GALNT14: variants seen among roughly 807,000 people sequenced by gnomAD.
The protein encoded by GALNT14 is UDP-GalNAc:polypeptide N-acetylgalactosaminyltransferase 14.
GALNT14 carries 60 observed loss-of-function variants against 77.5 expected under a neutral mutation model. The observed-to-expected ratio is 0.77, with a 90% CI of 0.63 to 0.96. The LOEUF is 0.96. Among genes scored for constraint, GALNT14 ranks in the 40% least tolerant of loss-of-function variants. GALNT14 has a pLI of 0.00. For missense variants in GALNT14, 710 were observed against 731.0 expected (o/e 0.97, Z 0.33); for synonymous variants, 280 against 281.7 (o/e 0.99, Z 0.06).
intron 6 of GALNT14, among the ~76,000 whole-genome samples, chr2:30,949,706 T>C (rs1219462616): frequency 2.0e-5 from 3 of 152,210 alleles, no homozygotes; most frequent in Non-Finnish European, 4.4e-5. Flanking sequence ...ATCAAAAAGC[T>C]CCTAGAGATG....
intron 1 of GALNT14, among the ~76,000 whole-genome samples, chr2:31,077,456 A>G (rs1373649363): frequency 1.3e-5 from 2 of 152,010 alleles, no homozygotes; most frequent in African/African-American, 2.4e-5. Flanking sequence ...TTTCCCTTCA[A>G]TTACCCCAGG....
At chr2:30,924,008 G>A (rs1665195901) in intron 13 of GALNT14, 111 bp downstream of exon 13, 1 of 1,201,924 alleles carries the variant, frequency 8.3e-7, no homozygotes, top group Admixed American at 1.8e-5. Flanking sequence ...CCGATCTCTG[G>A]GAATAAATGG....
chr2:31,068,777 C>A (rs1207105509), intron 1 of GALNT14, among the ~76,000 whole-genome samples: 2 of 152,046 alleles, frequency 1.3e-5, no homozygotes, highest in African/African-American at 2.4e-5. Context: ...AATGGGTAAA[C>A]AAAGCCAGCA....
intron 2 of GALNT14, among the ~76,000 whole-genome samples, chr2:30,989,116 G>A (rs371782565): frequency 5.3e-5 from 8 of 152,276 alleles, no homozygotes; most frequent in East Asian, 3.9e-4. Context: ...TGGCTGGGGA[G>A]CTTAGAAAAG....
At chr2:30,985,112 A>G (rs1161962335) in intron 2 of GALNT14, among the ~76,000 whole-genome samples, 14 of 151,660 alleles carry the variant, frequency 9.2e-5, no homozygotes, top group Non-Finnish European at 2.9e-5. Context: ...GCAATTGCTC[A>G]ATAAATGTGT....
intron 1 of GALNT14, among the ~76,000 whole-genome samples, chr2:31,052,731 C>T (rs1394932984): frequency 6.6e-6 from 1 of 152,216 alleles, no homozygotes; most frequent in Non-Finnish European, 1.5e-5. Flanking sequence ...TCTTTGGGAG[C>T]TTCTTTTGCC....
chr2:31,086,504 A>G (rs1676438377), intron 1 of GALNT14, among the ~76,000 whole-genome samples: 1 of 152,132 alleles, frequency 6.6e-6, no homozygotes, highest in Non-Finnish European at 1.5e-5. Context: ...GGTTTTCACA[A>G]ACATAAAGAT....
chr2:31,055,067 A>G (rs1288471178), intron 1 of GALNT14, among the ~76,000 whole-genome samples: 1 of 152,206 alleles, frequency 6.6e-6, no homozygotes, highest in Non-Finnish European at 1.5e-5. Context: ...ACAAAGGAGG[A>G]TGTGACTAGG....
chr2:30,988,580 G>A (rs1192115948), intron 2 of GALNT14, among the ~76,000 whole-genome samples: 1 of 151,848 alleles, frequency 6.6e-6, no homozygotes, highest in Non-Finnish European at 1.5e-5. Context: ...AGTGTGTGGG[G>A]GAGGTGGTGG....
intron 1 of GALNT14, among the ~76,000 whole-genome samples, chr2:31,084,039 G>C (rs1360013763): frequency 6.6e-6 from 1 of 152,198 alleles, no homozygotes; most frequent in African/African-American, 2.4e-5. Context: ...AGGGGAGAAA[G>C]AGCGCTGGAT....
At chr2:30,916,730 G>A (rs1664702387) in intron 13 of GALNT14, among the ~76,000 whole-genome samples, 1 of 152,138 alleles carries the variant, frequency 6.6e-6, no homozygotes, top group African/African-American at 2.4e-5. Flanking sequence ...CCCAGCCTGG[G>A]GCTTGTGGTC....
chr2:31,106,073 T>C (rs373220752), intron 1 of GALNT14, among the ~76,000 whole-genome samples: 5 of 152,168 alleles, frequency 3.3e-5, no homozygotes, highest in Admixed American at 6.5e-5. Context: ...CCTGCTTTCA[T>C]AGAAGGAAAA....
At chr2:30,979,842 C>T (rs2148374149) in intron 2 of GALNT14, among the ~76,000 whole-genome samples, 1 of 152,262 alleles carries the variant, frequency 6.6e-6, no homozygotes, top group Non-Finnish European at 1.5e-5. Flanking sequence ...CCACAGCAGC[C>T]CCCACCCAGC....
intron 1 of GALNT14, 87 bp from the exon 2 acceptor site, chr2:30,993,094 C>T (rs931848866): frequency 7.1e-7 from 1 of 1,417,500 alleles, no homozygotes; most frequent in Non-Finnish European, 9.7e-7. Flanking sequence ...ACCCCAGAGA[C>T]CAGGCTTATT....
chr2:31,047,774 C>G (rs1673560673), intron 1 of GALNT14, among the ~76,000 whole-genome samples: 2 of 152,220 alleles, frequency 1.3e-5, no homozygotes, highest in Non-Finnish European at 2.9e-5. Context: ...ACTCTGCAAG[C>G]AGGTCCTGGA....
In GALNT14 at chr2:30,924,281, GGAGA is replaced by G; in HGVS notation, c.1236-22_1236-19del. On this transcript the variant is annotated intron_variant, in intron 12 of 14. Transcript: ENST00000349752. ...TGGGGATGCTGGAGGAGAGTCACAG[GGAGA>G]GAGGAGAGTCCACTGCTCATTGGAT... The G allele has an allele frequency of 6.2e-7, 1 of 1,613,664 alleles. No homozygotes were observed. The highest frequency in any genetic ancestry group is 8.5e-7 in the Non-Finnish European group (1 of 1,179,590).
At chr2:30,908,159 G>T (rs1664193897), downstream of GALNT14, among the ~76,000 whole-genome samples, 1 of 144,834 alleles carries the variant, frequency 6.9e-6, no homozygotes, top group African/African-American at 2.6e-5. Context: ...ACAAGACAGG[G>T]ATGCCCTCTC....
intron 1 of GALNT14, among the ~76,000 whole-genome samples, chr2:30,994,320 G>A (rs997366284): frequency 6.6e-6 from 1 of 152,130 alleles, no homozygotes; most frequent in Non-Finnish European, 1.5e-5. Context: ...CCTGCACTCG[G>A]GAAACCTGAC....
chr2:30,914,202 AG>A (rs1451628420), intron 13 of GALNT14, among the ~76,000 whole-genome samples: 1 of 152,228 alleles, frequency 6.6e-6, no homozygotes, highest in Non-Finnish European at 1.5e-5. Context: ...CTCATTTTAT[AG>A]ATGATGAAAC....
Sources: allele counts gnomAD v4.1 joint callset (sites outside exome capture counted in the v4.1 genomes callset), GRCh38; gene constraint gnomAD v4.1.1; transcripts MANE v1.5; gene names NCBI Gene and HGNC (gene_info 2026-07-23, HGNC 2026-07-21).